The following RNF144A variants were observed in gnomAD, a reference collection of about 807,000 sequenced individuals.
RNF144A encodes the protein E3 ubiquitin-protein ligase RNF144A.
Under a neutral mutation model 38.7 loss-of-function variants are expected in RNF144A, and 11 were observed. The ratio of observed to expected loss-of-function variants is 0.28; its 90% confidence interval spans 0.18 to 0.47. The LOEUF (loss-of-function observed/expected upper bound fraction) is 0.47. RNF144A is among the 20% of genes least tolerant of loss of function. The pLI is 0.99. For synonymous variants in RNF144A, 149 were observed against 143.9 expected, an observed-to-expected ratio of 1.04 and a Z score of -0.25; for missense variants, 316 against 377.2, an observed-to-expected ratio of 0.84 and a Z score of 1.34.
intron 1 of RNF144A, among the ~76,000 whole-genome samples, chr2:6,921,751 G>T (rs1664554755): frequency 6.6e-6 from 1 of 152,208 alleles, no homozygotes; most frequent in Admixed American, 6.5e-5. Flanking sequence ...GATCAGCCCC[G>T]GGTGGCAGGG....
rs536322999 is a variant in RNF144A at position 7,043,739 on chromosome 2, T to A, written c.*3979T>A. On this transcript the variant is annotated 3_prime_UTR_variant, in exon 9 of 9. Transcript: ENST00000320892. ...AAAACCCAGGGTCTCCACCCTTCCT[T>A]TGATTTGTGCAATTCTGTCTTCCAC... is the stretch of plus-strand genomic sequence containing the variant. 1.0e-6 allele frequency: 1 copy of A among 985,842 alleles called. No homozygotes were observed. The highest frequency in any genetic ancestry group is 1.7e-5 in the African/African-American group (1 of 57,352). 61.1% of individuals were successfully genotyped at this position (985,842 alleles called of 1,614,324 possible).
At chr2:7,037,619 G>A (rs956731150) in intron 8 of RNF144A, among the ~76,000 whole-genome samples, 1 of 152,224 alleles carries the variant, frequency 6.6e-6, no homozygotes, top group African/African-American at 2.4e-5. Flanking sequence ...ACAATCCAAT[G>A]TATAAATGCA....
rs1484979023 is a variant in RNF144A at position 7,020,871 on chromosome 2, A to G, written c.509+191A>G. On this transcript the variant is annotated intron_variant, in intron 6 of 8. Transcript: ENST00000320892. Reference sequence around the variant, plus strand: ...GTCTATTTATTTTTGAGAACTGACTATGTACCAGGCACTGTGTGAGGCCCT... The same window carrying G: ...GTCTATTTATTTTTGAGAACTGACTGTGTACCAGGCACTGTGTGAGGCCCT... The G allele has an allele frequency of 2.5e-5, 15 of 601,304 alleles. No homozygotes were observed. In the Admixed American group the frequency reaches 3.5e-4, roughly 14 times the overall value. 37.2% of individuals were successfully genotyped at this position (601,304 alleles called of 1,614,324 possible).
chr2:7,027,167 C>T (rs1671962927), intron 7 of RNF144A, among the ~76,000 whole-genome samples: 1 of 152,158 alleles, frequency 6.6e-6, no homozygotes, highest in African/African-American at 2.4e-5. Context: ...ATATTTCAGA[C>T]CGCCTCCTCC....
chr2:6,936,844 A>AGTGTGTGTGTGTGT lies in RNF144A; in HGVS notation c.-211-4083_-211-4070dup, dbSNP rs55971680. On this transcript the variant is annotated intron_variant, in intron 1 of 8. Coordinates refer to ENST00000320892, the MANE Select transcript of RNF144A (RefSeq NM_014746.6). ...CAGATTTTTTCAAGTCACACACAGT[A>AGTGTGTGTGTGTGT]GTGTGTGTGTGTGTGTGTGTGTGTG... Among the ~76,000 whole-genome samples, 907 of 144,174 alleles carry AGTGTGTGTGTGTGT rather than the reference A, an allele frequency of 6.3e-3. 11 individuals are homozygous for AGTGTGTGTGTGTGT. Among genetic ancestry groups the AGTGTGTGTGTGTGT allele is most frequent in the South Asian group, 9.6e-3 (41 of 4,284 alleles). 94.6% of individuals were successfully genotyped at this position (144,174 alleles called of 152,430 possible). A position where few individuals can be genotyped will look rare whatever the true frequency, so the allele number is the denominator to read the frequency against.
chr2:7,008,645 C>G lies in RNF144A; in HGVS notation c.136-5809C>G, dbSNP rs1413367109. 2.0e-5 allele frequency among the ~76,000 whole-genome samples: 3 copies of G among 152,210 alleles called. No homozygotes were observed. In the East Asian group the frequency reaches 5.8e-4, roughly 29 times the overall value. On this transcript the variant is annotated intron_variant, in intron 3 of 8. Coordinates refer to ENST00000320892, the MANE Select transcript of RNF144A (RefSeq NM_014746.6). Reference sequence around the variant, plus strand: ...GATGCTGTTCCTGAGCACACCCCTTCTGGTGGAGCCTGCTTCCCTTTCTCC... The same window carrying G: ...GATGCTGTTCCTGAGCACACCCCTTGTGGTGGAGCCTGCTTCCCTTTCTCC...
Position 7,041,341 on chromosome 2 carries a change from T to C in RNF144A, c.*1581T>C. The stretch of plus-strand genomic sequence containing the variant: ...AAATTTATTTCTTATTTCCTAACAT[T>C]GAATTCGTTAGAAAAAACAGCGTCA... On this transcript the variant is annotated 3_prime_UTR_variant, in exon 9 of 9. Coordinates refer to ENST00000320892, the MANE Select transcript of RNF144A (RefSeq NM_014746.6). 1 of 985,716 alleles carries C rather than the reference T, an allele frequency of 1.0e-6. No individual in the cohort carries two copies. The highest frequency in any genetic ancestry group is 6.1e-5 in the Admixed American group (1 of 16,290). 61.1% of individuals were successfully genotyped at this position (985,716 alleles called of 1,614,324 possible).
intron 1 of RNF144A, among the ~76,000 whole-genome samples, chr2:6,928,044 C>T (rs1027235332): frequency 1.3e-5 from 2 of 152,186 alleles, no homozygotes; most frequent in Non-Finnish European, 2.9e-5. Context: ...TGTCACTAGG[C>T]ACGTCCTACA....
At chr2:6,963,282 G>C (rs1305026087) in intron 2 of RNF144A, among the ~76,000 whole-genome samples, 1 of 152,204 alleles carries the variant, frequency 6.6e-6, no homozygotes, top group Non-Finnish European at 1.5e-5. Flanking sequence ...TTTGGAGGTA[G>C]GTGAATCTCC....
chr2:6,966,257 A>G (rs1667661021), intron 2 of RNF144A, among the ~76,000 whole-genome samples: 1 of 152,242 alleles, frequency 6.6e-6, no homozygotes, highest in Non-Finnish European at 1.5e-5. Flanking sequence ...ACACTGGAAT[A>G]TTTTAAAGTT....
intron 2 of RNF144A, among the ~76,000 whole-genome samples, chr2:6,970,823 G>T (rs1312033961): frequency 6.6e-6 from 1 of 152,174 alleles, no homozygotes; most frequent in Non-Finnish European, 1.5e-5. Context: ...CCATCTGATG[G>T]CTTCTCCAGT....
chr2:6,996,840 C>T (rs1572364793), intron 2 of RNF144A, 76 bp from the exon 3 acceptor site: 8 of 1,476,068 alleles, frequency 5.4e-6, no homozygotes, highest in Non-Finnish European at 7.4e-6. Flanking sequence ...CCAGCTACAG[C>T]CAGGAGAACC....
chr2:6,988,180 T>G (rs1393147127), intron 2 of RNF144A, among the ~76,000 whole-genome samples: 2 of 152,222 alleles, frequency 1.3e-5, no homozygotes, highest in Non-Finnish European at 2.9e-5. Flanking sequence ...GGATTTAGAT[T>G]TAGAAAATGA....
intron 1 of RNF144A, among the ~76,000 whole-genome samples, chr2:6,921,708 C>T (rs1664551207): frequency 6.6e-6 from 1 of 152,170 alleles, no homozygotes. Context: ...GAGGTCAGGG[C>T]AGAGAGCAGT....
downstream of RNF144A, among the ~76,000 whole-genome samples, chr2:7,070,932 G>C (rs1007138501): frequency 8.1e-5 from 10 of 123,042 alleles, no homozygotes; most frequent in Admixed American, 1.7e-4. Flanking sequence ...GCTTTGCTGA[G>C]TTTTTTTTTT....
intron 8 of RNF144A, among the ~76,000 whole-genome samples, chr2:7,032,744 A>G (rs1672408222): frequency 6.6e-6 from 1 of 152,192 alleles, no homozygotes; most frequent in African/African-American, 2.4e-5. Flanking sequence ...TGGTAACTTG[A>G]TTGCATCTAC....
At position 7,042,057 on chromosome 2, in the gene RNF144A, G is replaced by A; in HGVS notation, c.*2297G>A. 2.0e-6 allele frequency: 2 copies of A among 985,276 alleles called. No homozygotes were observed. The highest frequency in any genetic ancestry group is 4.7e-5 in the South Asian group (1 of 21,272). The allele number at this position is 985,276 out of a possible 1,614,324, so 61.0% of individuals were successfully genotyped here. A position where few individuals can be genotyped will look rare whatever the true frequency, so the allele number is the denominator to read the frequency against. On this transcript the variant is annotated 3_prime_UTR_variant, in exon 9 of 9. Transcript: ENST00000320892. Reference sequence around the variant, plus strand: ...GGGGCAGTCAAATTGGCACCTACTGGCTCTGACTTTTTGTATGAAGCATGC... The same window carrying A: ...GGGGCAGTCAAATTGGCACCTACTGACTCTGACTTTTTGTATGAAGCATGC...
At chr2:6,979,544 T>C (rs1309235161) in intron 2 of RNF144A, among the ~76,000 whole-genome samples, 1 of 152,226 alleles carries the variant, frequency 6.6e-6, no homozygotes, top group South Asian at 2.1e-4. Flanking sequence ...CTTTTTTTTT[T>C]TTCCTGAGGG....
At chr2:6,986,266 G>A (rs527607709) in intron 2 of RNF144A, among the ~76,000 whole-genome samples, 113 of 151,164 alleles carry the variant, frequency 7.5e-4, no homozygotes, top group Non-Finnish European at 1.4e-3. Flanking sequence ...TTTTTTTAAA[G>A]CTTTCGGAGG....
Sources: gnomAD v4.1 joint callset for allele counts (sites outside exome capture counted in the v4.1 genomes callset) on GRCh38, gnomAD v4.1.1 for gene constraint, MANE v1.5 for transcripts, NCBI Gene and HGNC (gene_info 2026-07-23, HGNC 2026-07-21) for gene names.